ATP8B4: variants seen among roughly 807,000 people sequenced by gnomAD.
ATP8B4 encodes probable phospholipid-transporting ATPase IM.
Under a neutral mutation model 145.6 loss-of-function variants are expected in ATP8B4, and 133 were observed. The ratio of observed to expected loss-of-function variants is 0.91; its 90% confidence interval spans 0.79 to 1.05. The LOEUF (loss-of-function observed/expected upper bound fraction) is 1.05, where lower values mean the gene tolerates loss of function less well. Among genes scored for constraint, ATP8B4 ranks in the 50% least tolerant of loss-of-function variants. The pLI is 0.00. For synonymous variants in ATP8B4, 507 were observed against 492.9 expected (o/e 1.03, Z -0.38); for missense variants, 1,458 against 1,425.2 (o/e 1.02, Z -0.37).
chr15:49,962,310 T>C (rs1276594061), intron 13 of ATP8B4, among the ~76,000 whole-genome samples: 2 of 152,240 alleles, frequency 1.3e-5, no homozygotes, highest in African/African-American at 2.4e-5. Context: ...GTTATTACAT[T>C]ATCTATGATA....
At position 50,047,353 on chromosome 15, in the gene ATP8B4, G is replaced by A; in HGVS notation, c.199C>T (p.Gln67Ter). The A allele has an allele frequency of 6.5e-7, 1 of 1,537,544 alleles. No individual in the cohort carries two copies. Among genetic ancestry groups the A allele is most frequent in the Middle Eastern group, 1.7e-4 (1 of 5,922 alleles). ...GAGAAATACAACCTAAATATTACCT[G>A]TAAAATCAGAAGGCAAAGAAAATAG... ...NAYFLCLLIL[Q>*]LIPEISSLTW... The change falls in exon 4 of 28, where the codon CAG (glutamine) becomes TAG (stop). Residue 67 changes from glutamine (Q) to a stop codon, truncating the protein, a stop_gained and splice_region_variant. Transcript: ENST00000284509. LOFTEE classifies it high-confidence loss of function.
At chr15:49,985,157 T>C (rs977963878) in intron 10 of ATP8B4, among the ~76,000 whole-genome samples, 1 of 151,672 alleles carries the variant, frequency 6.6e-6, no homozygotes, top group Non-Finnish European at 1.5e-5. Flanking sequence ...AGTGCAGTGG[T>C]GCAATCGCAG....
At chr15:50,081,078 A>G (rs2054522850) in intron 2 of ATP8B4, among the ~76,000 whole-genome samples, 1 of 149,478 alleles carries the variant, frequency 6.7e-6, no homozygotes, top group South Asian at 2.1e-4. Flanking sequence ...ACGCCACTGC[A>G]CTCCAGCCTG....
chr15:50,075,038 C>G (rs2054087652), intron 2 of ATP8B4, among the ~76,000 whole-genome samples: 2 of 152,208 alleles, frequency 1.3e-5, no homozygotes, highest in South Asian at 4.1e-4. Flanking sequence ...ACTTGACCCT[C>G]TCACCATTAA....
intron 25 of ATP8B4, among the ~76,000 whole-genome samples, chr15:49,871,999 C>T (rs959234432): frequency 6.6e-6 from 1 of 152,106 alleles, no homozygotes; most frequent in Admixed American, 6.6e-5. Context: ...GCAAAGTGAT[C>T]CCAGCCACAG....
chr15:49,894,219 T>C (rs962000220), intron 23 of ATP8B4, among the ~76,000 whole-genome samples: 15 of 152,328 alleles, frequency 9.8e-5, no homozygotes, highest in African/African-American at 2.6e-4. Flanking sequence ...CTTCTTAACA[T>C]ACCCAGGACA....
chr15:49,889,906 G>A (rs1017325853), intron 23 of ATP8B4, among the ~76,000 whole-genome samples: 1 of 152,220 alleles, frequency 6.6e-6, no homozygotes, highest in African/African-American at 2.4e-5. Context: ...TCTGTTGAGA[G>A]GTACACGGAA....
rs2032177793 is a variant in ATP8B4 at position 49,863,263 on chromosome 15, G to A, written c.3167-888C>T. On this transcript the variant is annotated intron_variant, in intron 26 of 27. Coordinates refer to ENST00000284509, the MANE Select transcript of ATP8B4 (RefSeq NM_024837.4). The stretch of plus-strand genomic sequence containing the variant: ...AAGAAGGCTCCTGGGTTTGTGAAAA[G>A]AACATTCCCTCACCAGGAGACTGTT... 2.0e-5 allele frequency among the ~76,000 whole-genome samples: 3 copies of A among 152,300 alleles called. 1 individual carries two copies. In the South Asian group the frequency reaches 6.2e-4, roughly 32 times the overall value.
At chr15:50,134,561 C>T (rs1329595063) in intron 1 of ATP8B4, among the ~76,000 whole-genome samples, 1 of 152,120 alleles carries the variant, frequency 6.6e-6, no homozygotes, top group Admixed American at 6.6e-5. Flanking sequence ...GTCTATCTGG[C>T]AAGTGGAGTG....
chr15:49,950,611 C>CAAAAAAAAAAAAAAAAAA (rs1316878072), intron 14 of ATP8B4, among the ~76,000 whole-genome samples: 2 of 107,176 alleles, frequency 1.9e-5, no homozygotes, highest in Non-Finnish European at 3.4e-5. Context: ...AACAAACAAA[C>CAAAAAAAAAAAAAAAAAA]AAACAAACAA....
At chr15:49,882,648 T>G (rs755982191) in intron 23 of ATP8B4, among the ~76,000 whole-genome samples, 2 of 152,218 alleles carry the variant, frequency 1.3e-5, no homozygotes, top group Admixed American at 1.3e-4. Context: ...ATAATTGCAT[T>G]TAAATACAGT....
intron 20 of ATP8B4, among the ~76,000 whole-genome samples, chr15:49,906,819 G>A (rs1178151878): frequency 6.6e-6 from 1 of 152,164 alleles, no homozygotes; most frequent in African/African-American, 2.4e-5. Flanking sequence ...CCCAGCCTAG[G>A]GAAAGGGGAC....
At chr15:49,895,526 G>T (rs117722006) in intron 23 of ATP8B4, 1 of 152,300 alleles carries the variant, frequency 6.6e-6, no homozygotes, top group Non-Finnish European at 1.5e-5. Context: ...GAAAGGAAGG[G>T]ACACAGAAAA....
At chr15:49,948,658 T>C (rs1400879058) in intron 14 of ATP8B4, among the ~76,000 whole-genome samples, 2 of 152,242 alleles carry the variant, frequency 1.3e-5, no homozygotes, top group African/African-American at 4.8e-5. Flanking sequence ...TGTCTTTTTC[T>C]TGCAAATATG....
intron 1 of ATP8B4, among the ~76,000 whole-genome samples, chr15:50,164,875 AG>A (rs1567414780): frequency 6.6e-6 from 1 of 152,144 alleles, no homozygotes; most frequent in Non-Finnish European, 1.5e-5. Flanking sequence ...CCATTGTGAA[AG>A]GACAGTCCTG....
rs1050243465 is a variant in ATP8B4 at position 50,128,008 on chromosome 15, C to T, written c.-42-21000G>A. Among the ~76,000 whole-genome samples, 33 of 152,220 alleles carry T rather than the reference C, an allele frequency of 2.2e-4. 1 individual carries two copies. Among genetic ancestry groups the T allele is most frequent in the Admixed American group, 2.0e-4 (3 of 15,284 alleles). Reference sequence around the variant, plus strand: ...GCAGATGATGGAGCTACTTCTTGTGCAACCCCATGTTTCTGTGCATTTCAG... The same window carrying T: ...GCAGATGATGGAGCTACTTCTTGTGTAACCCCATGTTTCTGTGCATTTCAG... On this transcript the variant is annotated intron_variant, in intron 1 of 3. Transcript: ENST00000558829.
chr15:49,927,193 A>G (rs1477529945), intron 16 of ATP8B4, among the ~76,000 whole-genome samples: 1 of 152,112 alleles, frequency 6.6e-6, no homozygotes, highest in Non-Finnish European at 1.5e-5. Context: ...ATAGAAATCA[A>G]TTTTTATGTA....
chr15:49,876,321 G>T lies in ATP8B4; in HGVS notation c.2984C>A (p.Ala995Glu), dbSNP rs1042659494. The T allele has an allele frequency of 6.2e-7, 1 of 1,613,986 alleles. No homozygotes were observed. Among genetic ancestry groups the T allele is most frequent in the Admixed American group, 1.7e-5 (1 of 59,998 alleles). The change falls in exon 25 of 28, where the codon GCA (alanine) becomes GAA (glutamate). Residue 995 changes from alanine to glutamate, a missense_variant. Transcript: ENST00000284509. Reference protein sequence around the residue: ...GQHIADYQSFAVTMATSLVIV... With the variant: ...GQHIADYQSFEVTMATSLVIV... Reference sequence around the variant, plus strand: ...GACCAAAGATGTGGCCATGGTAACTGCAAAGGACTGGTAGTCAGCAATATG... The same window carrying T: ...GACCAAAGATGTGGCCATGGTAACTTCAAAGGACTGGTAGTCAGCAATATG...
intron 13 of ATP8B4, among the ~76,000 whole-genome samples, chr15:49,967,593 G>T (rs1420944155): frequency 1.3e-5 from 2 of 152,030 alleles, no homozygotes; most frequent in East Asian, 1.9e-4. Flanking sequence ...GAAAAGGAAC[G>T]AATAAAGCCT....
Sources: gnomAD v4.1 joint callset for allele counts (sites outside exome capture counted in the v4.1 genomes callset) on GRCh38, gnomAD v4.1.1 for gene constraint, MANE v1.5 for transcripts, NCBI Gene and HGNC (gene_info 2026-07-23, HGNC 2026-07-21) for gene names.